The following NCKAP5 variants were observed in gnomAD, a reference collection of about 807,000 sequenced individuals.
The protein encoded by NCKAP5 is nck-associated protein 5.
In NCKAP5, 92 loss-of-function variants were observed where a neutral mutation model predicts 167.0. That is an observed-to-expected ratio of 0.55 (90% CI 0.47 to 0.66). The LOEUF (loss-of-function observed/expected upper bound fraction) is 0.66. NCKAP5 is among the 30% of genes least tolerant of loss of function. The probability of loss-of-function intolerance (pLI) is 0.00; values close to 1 mark genes in which losing one functional copy is unlikely to be tolerated. For synonymous variants in NCKAP5, 891 were observed against 877.4 expected, an observed-to-expected ratio of 1.02 and a Z score of -0.27; for missense variants, 2,378 against 2,315.0, an observed-to-expected ratio of 1.03 and a Z score of -0.56.
At chr2:133,132,875 T>A (rs1282746553) in intron 5 of NCKAP5, among the ~76,000 whole-genome samples, 1 of 151,888 alleles carries the variant, frequency 6.6e-6, no homozygotes. Context: ...ACAGGGTTTC[T>A]CGATGTTAGC....
intron 6 of NCKAP5, among the ~76,000 whole-genome samples, chr2:133,095,746 T>C (rs966546418): frequency 6.6e-6 from 1 of 152,224 alleles, no homozygotes; most frequent in African/African-American, 2.4e-5. Flanking sequence ...TAATAGCACA[T>C]ACATCATGAG....
Position 133,450,430 on chromosome 2 carries a change from C to T in NCKAP5, c.69+67028G>A, listed in dbSNP as rs535829524. On this transcript the variant is annotated intron_variant, in intron 3 of 19. Coordinates refer to ENST00000409261, the MANE Select transcript of NCKAP5 (RefSeq NM_207363.3). ...GATGACCTCCATCATTCCATTAATG[C>T]GGCCTATGGTAACATTACGTTTTTA... Among the ~76,000 whole-genome samples, 7 of 152,260 alleles carry T rather than the reference C, an allele frequency of 4.6e-5. No homozygotes were observed. In the South Asian group the frequency reaches 1.0e-3, roughly 23 times the overall value.
At chr2:133,589,575 C>T in the NCKAP5 span, among the ~76,000 whole-genome samples, 2 of 152,104 alleles carry the variant, frequency 1.3e-5, no homozygotes, top group East Asian at 3.9e-4. Flanking sequence ...GTATTTAAAG[C>T]CATGAGGCTA....
At chr2:132,931,639 G>C (rs1197604166) in intron 8 of NCKAP5, 1 of 152,094 alleles carries the variant, frequency 6.6e-6, no homozygotes, top group East Asian at 1.9e-4. Flanking sequence ...GATGTTAAAA[G>C]ATCCTTGGAA....
intron 4 of NCKAP5, among the ~76,000 whole-genome samples, chr2:133,259,066 C>G (rs920807173): frequency 6.6e-6 from 1 of 152,152 alleles, no homozygotes; most frequent in Non-Finnish European, 1.5e-5. Flanking sequence ...ACCTCCCACC[C>G]TCTCTTCCAG....
At chr2:132,969,021 G>A (rs902239693) in intron 7 of NCKAP5, among the ~76,000 whole-genome samples, 6 of 152,154 alleles carry the variant, frequency 3.9e-5, no homozygotes, top group African/African-American at 1.4e-4. Context: ...GCAGCTCCCT[G>A]TAAAATATCA....
intron 19 of NCKAP5, among the ~76,000 whole-genome samples, chr2:132,703,501 TC>T (rs543897181): frequency 3.7e-4 from 56 of 152,302 alleles, no homozygotes; most frequent in South Asian, 1.7e-3. Flanking sequence ...GCCAAATTCA[TC>T]CCCAGTGGAT....
chr2:133,645,424 G>A, the NCKAP5 span, among the ~76,000 whole-genome samples: 1 of 152,082 alleles, frequency 6.6e-6, no homozygotes, highest in Non-Finnish European at 1.5e-5. Flanking sequence ...CCAACACCAT[G>A]CTAAGTGATA....
At chr2:133,386,370 C>G (rs1226096796) in intron 3 of NCKAP5, among the ~76,000 whole-genome samples, 1 of 152,198 alleles carries the variant, frequency 6.6e-6, no homozygotes, top group Non-Finnish European at 1.5e-5. Context: ...GATTGAGTTT[C>G]TTAATCCTGA....
At chr2:133,480,132 G>A (rs367643405) in intron 3 of NCKAP5, among the ~76,000 whole-genome samples, 27 of 151,734 alleles carry the variant, frequency 1.8e-4, no homozygotes, top group Admixed American at 1.3e-4. Flanking sequence ...GGGTTTCGCC[G>A]TGTTGGCCAT....
the NCKAP5 span, among the ~76,000 whole-genome samples, chr2:133,671,850 A>C: frequency 6.6e-6 from 1 of 152,184 alleles, no homozygotes; most frequent in African/African-American, 2.4e-5. Context: ...TGCCCTGTGC[A>C]TTACTCTCAG....
chr2:133,501,851 C>T (rs574918661), intron 3 of NCKAP5, among the ~76,000 whole-genome samples: 11 of 152,322 alleles, frequency 7.2e-5, no homozygotes, highest in African/African-American at 2.6e-4. Context: ...TGAATTCTCT[C>T]AAATAATTGG....
intron 19 of NCKAP5, among the ~76,000 whole-genome samples, chr2:132,708,108 C>A (rs1370915839): frequency 6.6e-6 from 1 of 151,804 alleles, no homozygotes; most frequent in African/African-American, 2.4e-5. Flanking sequence ...GATGTACTAG[C>A]TTCAGGTGTG....
At chr2:133,451,277 T>C (rs1484723065) in intron 3 of NCKAP5, among the ~76,000 whole-genome samples, 2 of 152,198 alleles carry the variant, frequency 1.3e-5, no homozygotes, top group Admixed American at 1.3e-4. Context: ...AAGCAAGTTC[T>C]CTGGGAACCC....
chr2:132,801,877 T>C (rs12614193), intron 11 of NCKAP5, among the ~76,000 whole-genome samples: 26,853 of 152,176 alleles, frequency 0.18, 2,790 homozygotes, highest in East Asian at 0.3. Flanking sequence ...TTCAGGGTGG[T>C]AGTGACTGAC....
At chr2:133,435,641 G>C (rs537386279) in intron 3 of NCKAP5, among the ~76,000 whole-genome samples, 11 of 152,282 alleles carry the variant, frequency 7.2e-5, no homozygotes, top group Admixed American at 2.6e-4. Context: ...GTTAGAGAAG[G>C]TGCTGGCCTA....
chr2:132,676,384 A>G (rs929852779), intron 19 of NCKAP5, among the ~76,000 whole-genome samples: 3 of 137,182 alleles, frequency 2.2e-5, no homozygotes, highest in Non-Finnish European at 4.5e-5. Context: ...GCCTAGTCCA[A>G]TGCTACATCA....
rs1016272368 is a variant in NCKAP5 at position 132,994,213 on chromosome 2, A to G, written c.368T>C (p.Leu123Ser). ...SRMEETVRNL[L>S]QSQGSPEQKK... Reference sequence around the variant, plus strand: ...CTGCTCTGGAGATCCTTGACTCTGCAATAGATTTCGTACTGTTTCTTCCAT... The same window carrying G: ...CTGCTCTGGAGATCCTTGACTCTGCGATAGATTTCGTACTGTTTCTTCCAT... The change falls in exon 7 of 20, where the codon TTG (leucine) becomes TCG (serine). Residue 123 changes from leucine (L) to serine (S), a missense_variant. Leu to Ser is a moderately radical substitution (Grantham distance 145). Coordinates refer to ENST00000409261, the MANE Select transcript of NCKAP5 (RefSeq NM_207363.3). 4.4e-6 allele frequency: 7 copies of G among 1,590,574 alleles called. No individual in the cohort carries two copies. The highest frequency in any genetic ancestry group is 3.4e-6 in the Non-Finnish European group (4 of 1,167,518).
At chr2:133,010,076 A>C (rs1278665402) in intron 6 of NCKAP5, among the ~76,000 whole-genome samples, 1 of 125,198 alleles carries the variant, frequency 8.0e-6, no homozygotes, top group African/African-American at 3.0e-5. Context: ...GTCTCAAAAA[A>C]AAAAAATAAA....
Sources: gnomAD v4.1 joint callset for allele counts (sites outside exome capture counted in the v4.1 genomes callset) on GRCh38, gnomAD v4.1.1 for gene constraint, MANE v1.5 for transcripts, NCBI Gene and HGNC (gene_info 2026-07-23, HGNC 2026-07-21) for gene names.